E2F1: variants seen among roughly 807,000 people sequenced by gnomAD.
E2F1 encodes the protein E2F transcription factor 1.
Under a neutral mutation model 36.9 loss-of-function variants are expected in E2F1, and 7 were observed. The observed-to-expected ratio is 0.19, with a 90% CI of 0.11 to 0.36. The LOEUF is 0.36. Ranked by LOEUF, E2F1 falls within the 10% of genes least tolerant of loss-of-function variation. The pLI is 1.00. For synonymous variants in E2F1, 261 were observed against 263.1 expected (o/e 0.99, Z 0.08); for missense variants, 406 against 573.6 (o/e 0.71, Z 2.99).
rs2017960901 is a variant in E2F1, at chr20:33,676,645, G to T, written c.*87C>A. On this transcript the variant is annotated 3_prime_UTR_variant, in exon 7 of 7. Transcript: ENST00000343380. ...GGTATAAATTAAATGTTTCCAAACA[G>T]GCTGGGAGGACGGCCAGGGACAGGG... 76 of 1,497,526 alleles carry T rather than the reference G, an allele frequency of 5.1e-5. No homozygotes were observed. The highest frequency in any genetic ancestry group is 6.8e-5 in the Non-Finnish European group (76 of 1,121,610). 92.8% of individuals were successfully genotyped at this position (1,497,526 alleles called of 1,614,324 possible). A position where few individuals can be genotyped will look rare whatever the true frequency, so the allele number is the denominator to read the frequency against.
In E2F1 at chr20:33,679,684, G is replaced by C; in HGVS notation, c.572+71C>G. 1 of 1,415,718 alleles carries C rather than the reference G, an allele frequency of 7.1e-7. No homozygotes were observed. Among genetic ancestry groups the C allele is most frequent in the East Asian group, 2.3e-5 (1 of 43,832 alleles). 87.7% of individuals were successfully genotyped at this position (1,415,718 alleles called of 1,614,324 possible). On this transcript the variant is annotated intron_variant, in intron 3 of 6. Coordinates refer to ENST00000343380, the MANE Select transcript of E2F1 (RefSeq NM_005225.3). The surrounding 1 kb of genome is among the most constrained non-coding windows in gnomAD (Gnocchi z 4.6). ...AGATGGGGATGCAGGCAGCCACAGTGGGTATTACTACCAGCTCCTCCAGGC... is the reference window on the plus strand; with the variant it reads ...AGATGGGGATGCAGGCAGCCACAGTCGGTATTACTACCAGCTCCTCCAGGC...
Position 33,679,025 on chromosome 20 carries a change from A to AAAGGGT in E2F1, c.573-678_573-673dup, listed in dbSNP as rs1754663107. 6.6e-6 allele frequency among the ~76,000 whole-genome samples: 1 copy of AAAGGGT among 152,226 alleles called. No individual in the cohort carries two copies. Among genetic ancestry groups the AAAGGGT allele is most frequent in the African/African-American group, 2.4e-5 (1 of 41,454 alleles). ...AAATGAAACGGCAGGTGTATCAAAG[A>AAAGGGT]AAGGGTAGTAGCATGATGACTGGCG... is the stretch of plus-strand genomic sequence containing the variant. On this transcript the variant is annotated intron_variant, in intron 3 of 6. Transcript: ENST00000343380. This position sits in a 1 kb window ranked among gnomAD's most constrained non-coding sequence, Gnocchi z 4.6.
chr20:33,686,148 C>T lies in E2F1; in HGVS notation c.117G>A (p.Ala39=). The change falls in exon 1 of 7, where the codon GCG becomes GCA. Residue 39 remains alanine, a synonymous_variant. Transcript: ENST00000343380. The stretch of plus-strand genomic sequence containing the variant: ...GAGCCGGCGGGGCGCTGGCGTCCTG[C>T]GCGGCGGAGATGATGACGATCTGCG... ...DSSQIVIISA[A]QDASAPPAPT... 1.9e-6 allele frequency: 2 copies of T among 1,059,526 alleles called. No individual in the cohort carries two copies. Among genetic ancestry groups the T allele is most frequent in the Non-Finnish European group, 2.3e-6 (2 of 879,500 alleles). The allele number at this position is 1,059,526 out of a possible 1,614,324, so 65.6% of individuals were successfully genotyped here.
intron 1 of E2F1, among the ~76,000 whole-genome samples, chr20:33,684,207 G>A (rs2018043099): frequency 6.6e-6 from 1 of 152,198 alleles, no homozygotes; most frequent in Non-Finnish European, 1.5e-5. Context: ...CCCTCCCTTT[G>A]ATCCTAGAAC....
At chr20:33,678,442 C>T in intron 3 of E2F1, 89 bp from the exon 4 acceptor site, 1 of 1,512,830 alleles carries the variant, frequency 6.6e-7, no homozygotes, top group Non-Finnish European at 8.9e-7. Flanking sequence ...TCTGCTGTTG[C>T]CTCTGTTCTG....
In E2F1 at chr20:33,676,906, G is replaced by A. The variant is rs555876218; in HGVS notation, c.1140C>T (p.Ala380=). The A allele has an allele frequency of 2.2e-5, 35 of 1,569,284 alleles. 2 individuals carry two copies. Among genetic ancestry groups the A allele is most frequent in the African/African-American group, 1.5e-4 (11 of 73,940 alleles). ...DEDRLSPLVA[A]DSLLEHVRED... ...CCCGCACATGCTCCAGGAGCGAGTCGGCCGCCACCAGCGGGGACAGGCGGT... is the reference window on the plus strand; with the variant it reads ...CCCGCACATGCTCCAGGAGCGAGTCAGCCGCCACCAGCGGGGACAGGCGGT... Residue 380 remains alanine (A), a synonymous_variant, in exon 7 of 7, where the codon GCC becomes GCT. Transcript: ENST00000343380.
rs371719878 is a variant in E2F1, at chr20:33,677,337, G to A, written c.841-7C>T. ...TAAGGGAGATCTGAAAGTTCTGGGT[G>A]GAAGCAGCAGGCAGGGTAAACTGAG... On this transcript the variant is annotated splice_polypyrimidine_tract_variant and splice_region_variant and intron_variant, in intron 5 of 6. Transcript: ENST00000343380. 1.2e-6 allele frequency: 2 copies of A among 1,612,306 alleles called. No homozygotes were observed. The highest frequency in any genetic ancestry group is 3.3e-5 in the Admixed American group (2 of 59,908).
Position 33,679,604 on chromosome 20 carries a change from A to G in E2F1, c.572+151T>C, listed in dbSNP as rs765117857. On this transcript the variant is annotated intron_variant, in intron 3 of 6. Transcript: ENST00000343380. The surrounding 1 kb of genome is among the most constrained non-coding windows in gnomAD (Gnocchi z 4.6). ...ATGTAAGATTTGTGTGCTTTTTACC[A>G]TCTATCATCTCAGGGAAGCTACCTC... is the stretch of plus-strand genomic sequence containing the variant. The G allele has an allele frequency of 5.7e-5, 39 of 683,328 alleles. No homozygotes were observed. Among genetic ancestry groups the G allele is most frequent in the Non-Finnish European group, 9.8e-5 (38 of 388,348 alleles). The allele number at this position is 683,328 out of a possible 1,614,324, so 42.3% of individuals were successfully genotyped here. A position where few individuals can be genotyped will look rare whatever the true frequency, so the allele number is the denominator to read the frequency against.
At chr20:33,684,768 G>A (rs2018050594) in intron 1 of E2F1, among the ~76,000 whole-genome samples, 1 of 152,102 alleles carries the variant, frequency 6.6e-6, no homozygotes, top group Non-Finnish European at 1.5e-5. Context: ...GGGGTTGGGG[G>A]AGCCTCCTCA....
chr20:33,683,450 CA>C (rs60838396), intron 1 of E2F1, among the ~76,000 whole-genome samples: 1,579 of 54,750 alleles, frequency 0.029, 44 homozygotes, highest in East Asian at 0.25. Context: ...GACTTCATCT[CA>C]AAAAAAAAAA....
rs2017972150 is a variant in E2F1 at position 33,677,157 on chromosome 20, G to A, written c.1014C>T (p.Pro338=). 6.2e-7 allele frequency: 1 copy of A among 1,614,176 alleles called. No homozygotes were observed. Among genetic ancestry groups the A allele is most frequent in the African/African-American group, 1.3e-5 (1 of 75,044 alleles). The change falls in exon 6 of 7, where the codon CCC becomes CCT. Residue 338 remains proline, a synonymous_variant. Transcript: ENST00000343380. Reference sequence around the variant, plus strand: ...TGGGATCTGTGGTGAGGGATGAGGGGGGAGATGATGGTGGTGGTGACACTA... The same window carrying A: ...TGGGATCTGTGGTGAGGGATGAGGGAGGAGATGATGGTGGTGGTGACACTA... ...ATIVSPPPSS[P]PSSLTTDPSQ... is the part of the protein sequence containing the mutation.
intron 3 of E2F1, 104 bp from the exon 4 acceptor site, chr20:33,678,457 G>T (rs118134345): frequency 0.028 from 38,912 of 1,403,486 alleles, 642 homozygotes; most frequent in Non-Finnish European, 0.034. Context: ...GTTCTGTGAG[G>T]CCTAGGCAAG....
chr20:33,676,922 G>C lies in E2F1; in HGVS notation c.1124C>G (p.Ser375Cys). The C allele has an allele frequency of 6.4e-7, 1 of 1,566,942 alleles. No homozygotes were observed. ...LRAPVDEDRL[S>C]PLVAADSLLE... ...GAGCGAGTCGGCCGCCACCAGCGGGGACAGGCGGTCCTCGTCCACGGGAGC... is the reference window on the plus strand; with the variant it reads ...GAGCGAGTCGGCCGCCACCAGCGGGCACAGGCGGTCCTCGTCCACGGGAGC... Residue 375 changes from serine to cysteine, a missense_variant, in exon 7 of 7, where the codon TCC becomes TGC. Transcript: ENST00000343380.
At chr20:33,681,406 A>T (rs1427810119) in intron 1 of E2F1, among the ~76,000 whole-genome samples, 1 of 152,146 alleles carries the variant, frequency 6.6e-6, no homozygotes, top group African/African-American at 2.4e-5. Context: ...ATCTATACGC[A>T]TGGTAGCAGC....
In E2F1 at chr20:33,676,035, C is replaced by T. The variant is rs1292608584; in HGVS notation, c.*697G>A. The T allele has an allele frequency of 6.5e-6, 1 of 152,686 alleles. No homozygotes were observed. Among genetic ancestry groups the T allele is most frequent in the Non-Finnish European group, 1.5e-5 (1 of 68,242 alleles). The allele number at this position is 152,686 out of a possible 1,614,324, so 9.5% of individuals were successfully genotyped here. ...AAATAAATCACCCAGGCCTCAGTTC[C>T]TTCAGTATGGGGCAGAAGAACAGCT... On this transcript the variant is annotated 3_prime_UTR_variant, in exon 7 of 7. Transcript: ENST00000343380.
chr20:33,683,746 T>C (rs899518041), intron 1 of E2F1, among the ~76,000 whole-genome samples: 1 of 152,040 alleles, frequency 6.6e-6, no homozygotes, highest in Non-Finnish European at 1.5e-5. Context: ...CACTCCAGCC[T>C]GGGTAACAGA....
Position 33,680,332 on chromosome 20 carries a change from C to T in E2F1, c.346G>A (p.Gly116Arg). Residue 116 changes from glycine to arginine, a missense_variant, in exon 2 of 7, where the codon GGA becomes AGA. Coordinates refer to ENST00000343380, the MANE Select transcript of E2F1 (RefSeq NM_005225.3). ...GPARGRGRHP[G>R]KGVKSPGEKS... is the part of the protein sequence containing the mutation. ...GCCCAAGCTCCATAGGTACCTTTTC[C>T]TGGATGGCGGCCTCTGCCCCGAGCT... 1 of 1,614,162 alleles carries T rather than the reference C, an allele frequency of 6.2e-7. No individual in the cohort carries two copies. Among genetic ancestry groups the T allele is most frequent in the Non-Finnish European group, 8.5e-7 (1 of 1,179,992 alleles).
At chr20:33,684,193 CT>C (rs1456484910) in intron 1 of E2F1, among the ~76,000 whole-genome samples, 2 of 152,252 alleles carry the variant, frequency 1.3e-5, no homozygotes, top group African/African-American at 2.4e-5. Context: ...TTCTTTGCCC[CT>C]GTCCCTCCCT....
At chr20:33,678,473 G>T in intron 3 of E2F1, 120 bp from the exon 4 acceptor site, 1 of 1,310,090 alleles carries the variant, frequency 7.6e-7, no homozygotes, top group Non-Finnish European at 1.0e-6. Flanking sequence ...GCAAGCCCTT[G>T]CTTCTGTCTG....
Sources: gnomAD v4.1 joint callset for allele counts (sites outside exome capture counted in the v4.1 genomes callset) on GRCh38, gnomAD v4.1.1 for gene constraint, Gnocchi (gnomAD v3.1) non-coding constraint, MANE v1.5 for transcripts, NCBI Gene and HGNC (gene_info 2026-07-23, HGNC 2026-07-21) for gene names.